The following FAT4 variants were observed in gnomAD, a reference collection of about 807,000 sequenced individuals.
The protein encoded by FAT4 is protocadherin Fat 4.
Under a neutral mutation model 303.9 loss-of-function variants are expected in FAT4, and 84 were observed. The observed-to-expected ratio is 0.28, with a 90% CI of 0.23 to 0.33. FAT4 has a LOEUF of 0.33. Among genes scored for constraint, FAT4 ranks in the 10% least tolerant of loss-of-function variants. The pLI is 1.00. For missense variants in FAT4, 6,005 were observed against 6,146.8 expected (o/e 0.98, Z 0.77); for synonymous variants, 2,307 against 2,298.8 (o/e 1.00, Z -0.10).
At chr4:125,466,097 G>A (rs1726652741) in intron 11 of FAT4, among the ~76,000 whole-genome samples, 2 of 151,950 alleles carry the variant, frequency 1.3e-5, no homozygotes, top group South Asian at 4.2e-4. Context: ...TGGCTATTTG[G>A]ATTTCAAAAA....
At chr4:125,327,879 A>G (rs1241556779) in intron 2 of FAT4, among the ~76,000 whole-genome samples, 1 of 152,104 alleles carries the variant, frequency 6.6e-6, no homozygotes, top group Non-Finnish European at 1.5e-5. Context: ...CTTTGTCATC[A>G]TTAGAGTGAA....
chr4:125,491,054 C>T lies in FAT4; in HGVS notation c.14238C>T (p.Asn4746=). 1 of 1,614,218 alleles carries T rather than the reference C, an allele frequency of 6.2e-7. No individual in the cohort carries two copies. Among genetic ancestry groups the T allele is most frequent in the Non-Finnish European group, 8.5e-7 (1 of 1,180,044 alleles). The change falls in exon 18 of 18, where the codon AAC becomes AAT. Residue 4746 remains asparagine, a synonymous_variant. Transcript: ENST00000394329. ...HGDTCQPGIF[N]YATRLGRRSK... ...ACACCTGCCAACCTGGCATTTTCAA[C>T]TATGCCACAAGGCTGGGAAGGAGAA...
At chr4:125,430,476 A>C (rs1477817691) in intron 7 of FAT4, among the ~76,000 whole-genome samples, 3 of 152,186 alleles carry the variant, frequency 2.0e-5, no homozygotes, top group Non-Finnish European at 4.4e-5. Flanking sequence ...AACACATTGG[A>C]GGCACGATTC....
At chr4:125,352,138 C>T (rs142036915) in intron 2 of FAT4, among the ~76,000 whole-genome samples, 17 of 151,670 alleles carry the variant, frequency 1.1e-4, no homozygotes, top group African/African-American at 3.4e-4. Context: ...ATTTGTCTAG[C>T]TTATAGAATA....
intron 2 of FAT4, among the ~76,000 whole-genome samples, chr4:125,328,783 C>T (rs1247744697): frequency 2.0e-5 from 3 of 152,118 alleles, no homozygotes; most frequent in Non-Finnish European, 4.4e-5. Flanking sequence ...ATGGAGGTTG[C>T]TTATGGAGTT....
intron 10 of FAT4, among the ~76,000 whole-genome samples, chr4:125,453,666 A>G (rs1324452674): frequency 2.6e-5 from 4 of 151,604 alleles, no homozygotes; most frequent in Non-Finnish European, 4.4e-5. Flanking sequence ...AGATCGCGTC[A>G]CTGCACTCCA....
At chr4:125,350,521 G>A (rs1384869627) in intron 2 of FAT4, among the ~76,000 whole-genome samples, 1 of 151,712 alleles carries the variant, frequency 6.6e-6, no homozygotes, top group African/African-American at 2.4e-5. Flanking sequence ...AGGAGTGAAA[G>A]ACTAGGAAGG....
chr4:125,398,641 T>C, intron 2 of FAT4, 143 bp from the exon 3 acceptor site: 1 of 704,636 alleles, frequency 1.4e-6, no homozygotes, highest in East Asian at 2.6e-5. Context: ...TCCCTAGGGG[T>C]AGTTTCTGTT....
At chr4:125,322,655 C>G (rs1290544970) in intron 2 of FAT4, among the ~76,000 whole-genome samples, 1 of 151,868 alleles carries the variant, frequency 6.6e-6, no homozygotes. Flanking sequence ...GGCTCATGTG[C>G]TTGTTTTCTT....
At chr4:125,395,417 C>T (rs1029206920) in intron 2 of FAT4, among the ~76,000 whole-genome samples, 35 of 152,160 alleles carry the variant, frequency 2.3e-4, no homozygotes, top group Non-Finnish European at 4.1e-4. Context: ...TCAAGCGATT[C>T]TCCTGTCTCA....
rs926163686 is a variant in FAT4 at position 125,473,174 on chromosome 4, T to G, written c.12214-2997T>G. Among the ~76,000 whole-genome samples, 7 of 152,102 alleles carry G rather than the reference T, an allele frequency of 4.6e-5. No homozygotes were observed. In the South Asian group the frequency reaches 8.3e-4, roughly 18 times the overall value. On this transcript the variant is annotated intron_variant, in intron 12 of 17. Coordinates refer to ENST00000394329, the MANE Select transcript of FAT4 (RefSeq NM_001291303.3). ...GTTAATATTAATCATAATTAAAATT[T>G]TATTTCTGTGAATTAGGTGCTTAAA...
chr4:125,489,756 G>T (rs1365550689), intron 17 of FAT4, 145 bp from the exon 18 acceptor site: 1 of 615,050 alleles, frequency 1.6e-6, no homozygotes, highest in African/African-American at 1.9e-5. Context: ...GCTGGATGAT[G>T]GTTCTGAGAC....
chr4:125,452,631 A>C lies in FAT4; in HGVS notation c.11621A>C (p.His3874Pro). The change falls in exon 10 of 18, where the codon CAC (histidine) becomes CCC (proline). Residue 3874 changes from histidine (H) to proline (P), a missense_variant. Transcript: ENST00000394329. ...DIDECLPSPCHSGGTCHNLVG... is the reference protein window; with the variant it reads ...DIDECLPSPCPSGGTCHNLVG... Reference sequence around the variant, plus strand: ...GATGAATGTCTTCCATCACCTTGCCACAGTGGTGGAACCTGTCACAATTTA... The same window carrying C: ...GATGAATGTCTTCCATCACCTTGCCCCAGTGGTGGAACCTGTCACAATTTA... The C allele has an allele frequency of 6.2e-7, 1 of 1,614,170 alleles. No individual in the cohort carries two copies. The highest frequency in any genetic ancestry group is 8.5e-7 in the Non-Finnish European group (1 of 1,180,034).
chr4:125,487,671 T>C (rs1578701009), intron 17 of FAT4, 65 bp downstream of exon 17: 2 of 1,471,446 alleles, frequency 1.4e-6, no homozygotes, highest in East Asian at 4.6e-5. Flanking sequence ...GTAATTGCTT[T>C]TTCTTGTGGC....
chr4:125,339,956 G>A (rs745453651), intron 2 of FAT4, among the ~76,000 whole-genome samples: 1 of 151,976 alleles, frequency 6.6e-6, no homozygotes, highest in African/African-American at 2.4e-5. Flanking sequence ...ATATGAGATA[G>A]ACAGTTTAAA....
At chr4:125,322,075 C>T (rs181833911) in intron 2 of FAT4, among the ~76,000 whole-genome samples, 257 of 152,310 alleles carry the variant, frequency 1.7e-3, no homozygotes, top group Non-Finnish European at 2.2e-3. Flanking sequence ...TATTAACTTT[C>T]ACATCCTCAG....
intron 2 of FAT4, among the ~76,000 whole-genome samples, chr4:125,367,819 G>C (rs1732943612): frequency 6.6e-6 from 1 of 152,076 alleles, no homozygotes; most frequent in African/African-American, 2.4e-5. Flanking sequence ...AATAGTATAT[G>C]CAAACATTGG....
intron 2 of FAT4, among the ~76,000 whole-genome samples, chr4:125,396,967 A>ATAGAT (rs1337953709): frequency 1.6e-5 from 2 of 125,436 alleles, no homozygotes; most frequent in Admixed American, 8.0e-5. Context: ...TATATATATA[A>ATAGAT]AATATGTATG....
In FAT4 at chr4:125,491,735, C is replaced by T; in HGVS notation, c.14919C>T (p.Val4973=). ...GCAAAGCTGGGACAACTAAACCAGT[C>T]CCCAAAGATGGGGAAGCAGAACAGT... ...EEGKAGTTKP[V]PKDGEAEQYV is the part of the protein sequence containing the mutation. Residue 4973 remains valine (V), a synonymous_variant, in exon 18 of 18, where the codon GTC becomes GTT. Coordinates refer to ENST00000394329, the MANE Select transcript of FAT4 (RefSeq NM_001291303.3). 1.2e-6 allele frequency: 2 copies of T among 1,613,486 alleles called. No homozygotes were observed. Among genetic ancestry groups the T allele is most frequent in the Non-Finnish European group, 1.7e-6 (2 of 1,179,694 alleles).
Sources: allele counts gnomAD v4.1 joint callset (sites outside exome capture counted in the v4.1 genomes callset), GRCh38; gene constraint gnomAD v4.1.1; transcripts MANE v1.5; gene names NCBI Gene and HGNC (gene_info 2026-07-23, HGNC 2026-07-21).